CNTLN: variants seen among roughly 807,000 people sequenced by gnomAD.
CNTLN encodes centlein, centrosomal protein.
Under a neutral mutation model 180.0 loss-of-function variants are expected in CNTLN, and 212 were observed. That is an observed-to-expected ratio of 1.18 (90% confidence interval 1.05 to 1.32). The LOEUF is 1.32. CNTLN is among the 40% of genes most tolerant of loss of function. CNTLN has a pLI of 0.00. For missense variants in CNTLN, 2,095 were observed against 1,610.9 expected (o/e 1.30, Z -5.14); for synonymous variants, 722 against 563.1 (o/e 1.28, Z -3.99).
intron 2 of CNTLN, among the ~76,000 whole-genome samples, chr9:17,195,792 A>G (rs951057178): frequency 6.6e-6 from 1 of 152,084 alleles, no homozygotes; most frequent in South Asian, 2.1e-4. Flanking sequence ...TCTTCCCTGC[A>G]TTTATTCTAT....
chr9:17,143,183 A>G, intron 1 of CNTLN, 105 bp from the exon 2 acceptor site: 1 of 746,986 alleles, frequency 1.3e-6, no homozygotes. Flanking sequence ...GTAGTTATAC[A>G]ACTAGGGATC....
intron 15 of CNTLN, among the ~76,000 whole-genome samples, chr9:17,400,073 C>T (rs148647877): frequency 5.3e-5 from 8 of 152,262 alleles, no homozygotes; most frequent in Admixed American, 1.3e-4. Context: ...TACGGTGTCT[C>T]AGCCAAGAAC....
intron 3 of CNTLN, among the ~76,000 whole-genome samples, chr9:17,233,037 A>T (rs1308168120): frequency 1.3e-5 from 2 of 152,040 alleles, no homozygotes; most frequent in African/African-American, 2.4e-5. Context: ...TACTGGATTT[A>T]AAAAAATTTC....
chr9:17,152,985 C>CT (rs199708307), intron 2 of CNTLN, among the ~76,000 whole-genome samples: 6,982 of 151,908 alleles, frequency 0.046, 202 homozygotes, highest in East Asian at 0.16. Flanking sequence ...GCAACTCCTG[C>CT]TTTTTTTTGC....
intron 2 of CNTLN, among the ~76,000 whole-genome samples, chr9:17,215,253 G>C (rs138361886): frequency 0.013 from 2,055 of 152,312 alleles, 52 homozygotes; most frequent in African/African-American, 0.047. Context: ...CTTTCTGTTT[G>C]TTAGTTCTCC....
At chr9:17,144,068 T>A (rs1818285021) in intron 2 of CNTLN, among the ~76,000 whole-genome samples, 1 of 152,240 alleles carries the variant, frequency 6.6e-6, no homozygotes, top group Non-Finnish European at 1.5e-5. Context: ...ATGGATACCT[T>A]TTCCTTTTTT....
At position 17,487,074 on chromosome 9, in the gene CNTLN, A is replaced by C; in HGVS notation, c.4119+8A>C. 1 of 1,571,554 alleles carries C rather than the reference A, an allele frequency of 6.4e-7. No individual in the cohort carries two copies. The highest frequency in any genetic ancestry group is 8.7e-7 in the Non-Finnish European group (1 of 1,143,272). On this transcript the variant is annotated splice_region_variant and intron_variant, in intron 25 of 25. Transcript: ENST00000380647. ...AAACTTCTTGAAGGACAGGTATTTC[A>C]TTTTTCTGTTTCATATATTAAGCTT...
chr9:17,466,068 TCA>T lies in CNTLN; in HGVS notation c.3622_3623del (p.Gln1208ValfsTer2). 1 of 1,606,556 alleles carries T rather than the reference TCA, an allele frequency of 6.2e-7. No individual in the cohort carries two copies. Among genetic ancestry groups the T allele is most frequent in the Non-Finnish European group, 8.5e-7 (1 of 1,175,050 alleles). ...ACTTAACGTTGCTGTAAAAGAAAAGTCACAGTATGAACAGATGTATCAGAAAT... is the reference window on the plus strand; with the variant it reads ...ACTTAACGTTGCTGTAAAAGAAAAGTCAGTATGAACAGATGTATCAGAAAT... ...QRLNVAVKEK[S>X]QYEQMYQKSK... On this transcript the variant is annotated frameshift_variant, in exon 22 of 26. Transcript: ENST00000380647. LOFTEE classifies it high-confidence loss of function.
rs897656878 is a variant in CNTLN, at chr9:17,266,610, G to A, written c.850-7123G>A. ...GGTATCCTTGTTAACTTTCTGTCTC[G>A]TTGATCTGTTTAGTGTTGACGGTGG... On this transcript the variant is annotated intron_variant, in intron 5 of 25. Coordinates refer to ENST00000380647, the MANE Select transcript of CNTLN (RefSeq NM_017738.4). Among the ~76,000 whole-genome samples, 5 of 152,174 alleles carry A rather than the reference G, an allele frequency of 3.3e-5. No individual in the cohort carries two copies. The South Asian group carries it at 6.2e-4, about 19-fold the overall frequency.
rs112293221 is a variant in CNTLN, at chr9:17,174,291, T to C, written c.449+30915T>C. ...TTTGACTATTATGAATTAGTTGCTA[T>C]GAATATTTGTGTACATACTTTTTTG... On this transcript the variant is annotated intron_variant, in intron 2 of 25. Coordinates refer to ENST00000380647, the MANE Select transcript of CNTLN (RefSeq NM_017738.4). 8.6e-3 allele frequency among the ~76,000 whole-genome samples: 1,315 copies of C among 152,346 alleles called. 13 individuals are homozygous for C. The highest frequency in any genetic ancestry group is 0.013 in the Non-Finnish European group (862 of 68,032).
chr9:17,264,978 A>C (rs573889462), intron 5 of CNTLN, among the ~76,000 whole-genome samples: 1 of 144,192 alleles, frequency 6.9e-6, no homozygotes, highest in South Asian at 2.5e-4. Flanking sequence ...GAATCATGTC[A>C]TCTGCAAACA....
At chr9:17,148,272 G>C (rs1320433265) in intron 2 of CNTLN, among the ~76,000 whole-genome samples, 1 of 152,090 alleles carries the variant, frequency 6.6e-6, no homozygotes, top group Non-Finnish European at 1.5e-5. Flanking sequence ...GACAATTCTA[G>C]TTATTAACAG....
intron 2 of CNTLN, among the ~76,000 whole-genome samples, chr9:17,197,198 A>G (rs1229612506): frequency 6.6e-6 from 1 of 152,188 alleles, no homozygotes; most frequent in African/African-American, 2.4e-5. Context: ...TATATGGAAA[A>G]TGGGGTATTT....
intron 12 of CNTLN, among the ~76,000 whole-genome samples, chr9:17,355,059 C>G (rs1203450077): frequency 6.6e-6 from 1 of 152,106 alleles, no homozygotes; most frequent in African/African-American, 2.4e-5. Context: ...CGGAACACAT[C>G]TGAACATCAG....
intron 15 of CNTLN, among the ~76,000 whole-genome samples, chr9:17,399,991 T>C (rs1182275220): frequency 6.6e-6 from 1 of 152,214 alleles, no homozygotes; most frequent in Admixed American, 6.5e-5. Flanking sequence ...CATTTCCTTA[T>C]GAAGGCTCCC....
intron 18 of CNTLN, among the ~76,000 whole-genome samples, chr9:17,417,696 G>C (rs778840296): frequency 1.3e-5 from 2 of 151,910 alleles, no homozygotes; most frequent in Non-Finnish European, 2.9e-5. Flanking sequence ...TACTTCTTGG[G>C]AGTTCCTTAA....
intron 6 of CNTLN, among the ~76,000 whole-genome samples, chr9:17,279,922 G>A (rs1828560431): frequency 6.7e-6 from 1 of 149,740 alleles, no homozygotes; most frequent in Non-Finnish European, 1.5e-5. Context: ...GCGACTGTTG[G>A]CCTTATAAGA....
At chr9:17,146,328 A>G (rs1382051809) in intron 2 of CNTLN, among the ~76,000 whole-genome samples, 1 of 151,360 alleles carries the variant, frequency 6.6e-6, no homozygotes, top group African/African-American at 2.4e-5. Context: ...CTTTTGTTGT[A>G]TCTCCTCAGT....
chr9:17,340,397 T>C (rs1445155752), intron 10 of CNTLN, among the ~76,000 whole-genome samples: 3 of 152,190 alleles, frequency 2.0e-5, no homozygotes, highest in Non-Finnish European at 4.4e-5. Flanking sequence ...TATGAATTCA[T>C]GTGCTAAATA....
Sources: allele counts gnomAD v4.1 joint callset (sites outside exome capture counted in the v4.1 genomes callset), GRCh38; gene constraint gnomAD v4.1.1; transcripts MANE v1.5; gene names NCBI Gene and HGNC (gene_info 2026-07-23, HGNC 2026-07-21).